CLCN6: variants seen among roughly 807,000 people sequenced by gnomAD.
The protein encoded by CLCN6 is Cl-/H+ antiporter 6, also known as H(+)/Cl(-) exchange transporter 6.
In CLCN6, 70 loss-of-function variants were observed where a neutral mutation model predicts 109.8. That is an observed-to-expected ratio of 0.64 (90% confidence interval 0.53 to 0.78). CLCN6 has a LOEUF of 0.78. CLCN6 is among the 30% of genes least tolerant of loss of function. The pLI is 0.00. For missense variants in CLCN6, 984 were observed against 1,142.3 expected (o/e 0.86, Z 2.00); for synonymous variants, 444 against 447.8 (o/e 0.99, Z 0.11).
chr1:11,820,813 G>A (rs141214838), intron 5 of CLCN6: 246 of 157,798 alleles, frequency 1.6e-3, no homozygotes, highest in African/African-American at 5.5e-3. Flanking sequence ...AGTGGCTCAT[G>A]CCTGTAATCT....
Position 11,822,740 on chromosome 1 carries a change from T to C in CLCN6, c.392T>C (p.Leu131Pro). The C allele has an allele frequency of 6.2e-7, 1 of 1,614,170 alleles. No individual in the cohort carries two copies. The highest frequency in any genetic ancestry group is 8.5e-7 in the Non-Finnish European group (1 of 1,180,000). ...AAAGGCTGCCTCGCTCTGTCTCTCC[T>C]TGAACTCCTGGGTTTTAACCTCACC... ...SQKGCLALSLLELLGFNLTFV... is the reference protein window; with the variant it reads ...SQKGCLALSLPELLGFNLTFV... The change falls in exon 6 of 23, where the codon CTT becomes CCT. Residue 131 changes from leucine to proline, a missense_variant. Coordinates refer to ENST00000346436, the MANE Select transcript of CLCN6 (RefSeq NM_001286.5).
chr1:11,822,909 A>G, intron 6 of CLCN6, 108 bp downstream of exon 6: 6 of 742,324 alleles, frequency 8.1e-6, no homozygotes, highest in Non-Finnish European at 1.4e-5. Context: ...AGATTCCTGC[A>G]GAAAGTGGCC....
intron 2 of CLCN6, among the ~76,000 whole-genome samples, chr1:11,812,533 C>T (rs796841855): frequency 1.8e-4 from 28 of 152,196 alleles, no homozygotes; most frequent in African/African-American, 6.5e-4. Flanking sequence ...TGTCCCACCC[C>T]GCTAATCCTG....
chr1:11,835,366 A>G (rs1644930960), intron 17 of CLCN6, among the ~76,000 whole-genome samples: 1 of 152,188 alleles, frequency 6.6e-6, no homozygotes, highest in Non-Finnish European at 1.5e-5. Context: ...TATGCCTCCC[A>G]GGCTCAAGCG....
chr1:11,836,360 G>A (rs376604607), intron 18 of CLCN6, among the ~76,000 whole-genome samples: 2 of 152,160 alleles, frequency 1.3e-5, no homozygotes, highest in Non-Finnish European at 2.9e-5. Context: ...CGTTCTTGCC[G>A]CAATGAGCAT....
In CLCN6 at chr1:11,834,208, C is replaced by G; in HGVS notation, c.1527-28C>G. The G allele has an allele frequency of 6.2e-7, 1 of 1,604,350 alleles. No individual in the cohort carries two copies. Among genetic ancestry groups the G allele is most frequent in the Non-Finnish European group, 8.5e-7 (1 of 1,175,262 alleles). On this transcript the variant is annotated intron_variant, in intron 15 of 22. Transcript: ENST00000346436. This position sits in a 1 kb window ranked among gnomAD's most constrained non-coding sequence, Gnocchi z 4.5. ...CACAGCCTATCAGTGTGGTTCAAAG[C>G]CATGTTCTCGGTGTTTTCCTTCACT...
intron 7 of CLCN6, among the ~76,000 whole-genome samples, chr1:11,824,138 G>C (rs1271179343): frequency 6.6e-6 from 1 of 152,220 alleles, no homozygotes; most frequent in Admixed American, 6.5e-5. Context: ...TGTGGGCCAA[G>C]AATCAGAATG....
At chr1:11,825,698 C>G (rs1292488327) in intron 8 of CLCN6, among the ~76,000 whole-genome samples, 1 of 152,224 alleles carries the variant, frequency 6.6e-6, no homozygotes. Context: ...TCTCTGCTCA[C>G]TACAGCCTCC....
chr1:11,830,821 CATT>C (rs1644874429), intron 13 of CLCN6, among the ~76,000 whole-genome samples: 1 of 123,184 alleles, frequency 8.1e-6, no homozygotes, highest in Non-Finnish European at 1.7e-5. Flanking sequence ...CACAAACACA[CATT>C]ATATATTTCT....
rs1270546694 is a variant in CLCN6 at position 11,831,201 on chromosome 1, A to G, written c.1248+1879A>G. On this transcript the variant is annotated intron_variant, in intron 13 of 22. Coordinates refer to ENST00000346436, the MANE Select transcript of CLCN6 (RefSeq NM_001286.5). ...TGGCAAAGTCTCACTCTGTTGCCCA[A>G]GCTGGAGTGGAGTGGCAAGATCTCG... is the stretch of plus-strand genomic sequence containing the variant. Among the ~76,000 whole-genome samples the G allele has an allele frequency of 2.7e-5, 4 of 150,372 alleles. 1 individual carries two copies. The East Asian group carries it at 5.9e-4, about 22-fold the overall frequency.
At chr1:11,810,904 A>G (rs1278065925) in intron 2 of CLCN6, among the ~76,000 whole-genome samples, 2 of 152,190 alleles carry the variant, frequency 1.3e-5, no homozygotes, top group Non-Finnish European at 2.9e-5. Flanking sequence ...TGTTCCTACA[A>G]AAAAATTTGT....
chr1:11,823,777 T>C lies in CLCN6; in HGVS notation c.524T>C (p.Val175Ala), dbSNP rs1394477634. ...YLNGVKVPGIVRLRTLLCKVL... is the reference protein window; with the variant it reads ...YLNGVKVPGIARLRTLLCKVL... ...AATGGCGTAAAGGTGCCAGGAATCGTCCGTCTCCGGACCCTGCTCTGCAAG... is the reference window on the plus strand; with the variant it reads ...AATGGCGTAAAGGTGCCAGGAATCGCCCGTCTCCGGACCCTGCTCTGCAAG... The change falls in exon 7 of 23, where the codon GTC becomes GCC. Residue 175 changes from valine to alanine, a missense_variant. Transcript: ENST00000346436. 6.2e-7 allele frequency: 1 copy of C among 1,614,276 alleles called. No individual in the cohort carries two copies. The highest frequency in any genetic ancestry group is 8.5e-7 in the Non-Finnish European group (1 of 1,180,056).
chr1:11,816,847 T>C (rs780198037), intron 4 of CLCN6, among the ~76,000 whole-genome samples, 167 bp downstream of exon 4: 6 of 109,482 alleles, frequency 5.5e-5, no homozygotes, highest in Non-Finnish European at 8.5e-5. Flanking sequence ...TTTTTTCCCT[T>C]TTTTTTTTTT....
intron 6 of CLCN6, among the ~76,000 whole-genome samples, 176 bp from the exon 7 acceptor site, chr1:11,823,531 T>C (rs796160652): frequency 2.0e-4 from 30 of 151,470 alleles, no homozygotes; most frequent in African/African-American, 6.8e-4. Context: ...TCAGACCTCC[T>C]GAGTCAGATC....
Position 11,837,465 on chromosome 1 carries a change from T to G in CLCN6, c.2261T>G (p.Leu754Arg). ...CTTCGGTCGCAGCTTGTCACCCTGC[T>G]TGTCCGAGGAGTTTGTTACTCTGAA... The part of the protein sequence containing the change: ...LILRSQLVTL[L>R]VRGVCYSESQ... The change falls in exon 20 of 23, where the codon CTT (leucine) becomes CGT (arginine). Residue 754 changes from leucine (L) to arginine (R), a missense_variant. Transcript: ENST00000346436. 6.2e-7 allele frequency: 1 copy of G among 1,614,110 alleles called. No individual in the cohort carries two copies. Among genetic ancestry groups the G allele is most frequent in the South Asian group, 1.1e-5 (1 of 91,082 alleles).
At position 11,829,180 on chromosome 1, in the gene CLCN6, G is replaced by A. The variant is rs187019672; in HGVS notation, c.1122-16G>A. On this transcript the variant is annotated splice_polypyrimidine_tract_variant and intron_variant, in intron 12 of 22. Coordinates refer to ENST00000346436, the MANE Select transcript of CLCN6 (RefSeq NM_001286.5). ...TTCTTTCTGTGGCGTTGTAACAGCTGTGCTTTGCCTCCTAGAGTCTTAGAG... is the reference window on the plus strand; with the variant it reads ...TTCTTTCTGTGGCGTTGTAACAGCTATGCTTTGCCTCCTAGAGTCTTAGAG... The A allele has an allele frequency of 1.4e-4, 230 of 1,612,288 alleles. No individual in the cohort carries two copies. The highest frequency in any genetic ancestry group is 8.2e-4 in the Admixed American group (49 of 59,868).
chr1:11,830,775 A>T (rs906917362), intron 13 of CLCN6, among the ~76,000 whole-genome samples: 34 of 122,650 alleles, frequency 2.8e-4, no homozygotes, highest in African/African-American at 7.6e-4. Context: ...ACACACACAC[A>T]CTATATATAC....
chr1:11,837,573 C>T, intron 20 of CLCN6, 74 bp downstream of exon 20: 11 of 1,470,958 alleles, frequency 7.5e-6, no homozygotes, highest in Non-Finnish European at 1.0e-5. Flanking sequence ...TGCCGGCGGG[C>T]CGTGAACAGT....
In CLCN6 at chr1:11,823,852, G is replaced by A. The variant is rs749511139; in HGVS notation, c.580+19G>A. The A allele has an allele frequency of 4.3e-6, 7 of 1,613,408 alleles. No homozygotes were observed. The highest frequency in any genetic ancestry group is 4.0e-5 in the African/African-American group (3 of 74,918). The stretch of plus-strand genomic sequence containing the variant: ...GCTGGAGGTAAGAAGGGTCCAACTT[G>A]TATCCTTCAAATACTCAAAGGGCAG... On this transcript the variant is annotated intron_variant, in intron 7 of 22. Transcript: ENST00000346436.
Sources: gnomAD v4.1 joint callset for allele counts (sites outside exome capture counted in the v4.1 genomes callset) on GRCh38, gnomAD v4.1.1 for gene constraint, Gnocchi (gnomAD v3.1) non-coding constraint, MANE v1.5 for transcripts, NCBI Gene and HGNC (gene_info 2026-07-23, HGNC 2026-07-21) for gene names.